SEPTIN9: variants seen among roughly 807,000 people sequenced by gnomAD.
SEPTIN9 encodes septin-9.
In SEPTIN9, 13 loss-of-function variants were observed where a neutral mutation model predicts 56.6. That is an observed-to-expected ratio of 0.23 (90% CI 0.15 to 0.37). SEPTIN9 has a LOEUF of 0.37. SEPTIN9 is among the 10% of genes least tolerant of loss of function. The pLI, the probability that SEPTIN9 is intolerant of heterozygous loss-of-function variation, is 1.00. For missense variants in SEPTIN9, 650 were observed against 823.1 expected (o/e 0.79, Z 2.57); for synonymous variants, 332 against 334.1 (o/e 0.99, Z 0.07).
intron 3 of SEPTIN9, among the ~76,000 whole-genome samples, chr17:77,407,820 T>C (rs1420627409): frequency 6.6e-6 from 1 of 152,186 alleles, no homozygotes. Context: ...CCTGGTCCTC[T>C]CAGGCTCTGG....
chr17:77,441,632 C>T (rs953357951), intron 3 of SEPTIN9, among the ~76,000 whole-genome samples: 2 of 152,342 alleles, frequency 1.3e-5, no homozygotes, highest in South Asian at 4.1e-4. Flanking sequence ...GTCTCCCAAG[C>T]CACCCAGCCA....
At chr17:77,459,432 G>T (rs773401667) in intron 3 of SEPTIN9, among the ~76,000 whole-genome samples, 8 of 152,198 alleles carry the variant, frequency 5.3e-5, no homozygotes, top group Non-Finnish European at 1.0e-4. Flanking sequence ...ACCCGGGCCC[G>T]GTCTGTGAGG....
intron 2 of SEPTIN9, among the ~76,000 whole-genome samples, chr17:77,328,186 C>T (rs1014731351): frequency 2.6e-5 from 4 of 151,818 alleles, no homozygotes; most frequent in Non-Finnish European, 5.9e-5. Context: ...GTATCCAGGG[C>T]GTCCCCATGC....
chr17:77,426,816 CTTGTG>C, intron 3 of SEPTIN9: 1 of 152,172 alleles, frequency 6.6e-6, no homozygotes, highest in Non-Finnish European at 1.5e-5. Flanking sequence ...GGGACACTGA[CTTGTG>C]TTGTGGGTGC....
intron 5 of SEPTIN9, 34 bp from the exon 6 acceptor site, chr17:77,488,206 T>C: frequency 6.2e-7 from 1 of 1,603,506 alleles, no homozygotes; most frequent in Non-Finnish European, 8.5e-7. Context: ...GTCTTCCGTC[T>C]CCCCTCTGAC....
chr17:77,491,730 C>T (rs1388005627), intron 8 of SEPTIN9, among the ~76,000 whole-genome samples: 4 of 141,232 alleles, frequency 2.8e-5, no homozygotes, highest in Admixed American at 2.3e-4. Flanking sequence ...CTCTTGAACC[C>T]GGGAGGCGGA....
At chr17:77,303,527 C>T (rs377553475) in intron 1 of SEPTIN9, among the ~76,000 whole-genome samples, 33 of 151,836 alleles carry the variant, frequency 2.2e-4, no homozygotes, top group East Asian at 1.4e-3. Context: ...GCCTGGCCAA[C>T]GTGGTGAAAC....
At chr17:77,321,094 C>G (rs73371416) in intron 2 of SEPTIN9, among the ~76,000 whole-genome samples, 5,209 of 152,308 alleles carry the variant, frequency 0.034, 291 homozygotes, top group East Asian at 0.24. Context: ...ACGTGGCCAG[C>G]GCCGTCATCG....
intron 2 of SEPTIN9, among the ~76,000 whole-genome samples, chr17:77,379,738 G>A (rs919700985): frequency 6.6e-6 from 1 of 152,188 alleles, no homozygotes; most frequent in African/African-American, 2.4e-5. Flanking sequence ...CTGCTCCTCT[G>A]AAGTCTCCTT....
At chr17:77,291,188 G>A (rs1021434141) in intron 1 of SEPTIN9, among the ~76,000 whole-genome samples, 2 of 151,078 alleles carry the variant, frequency 1.3e-5, no homozygotes, top group African/African-American at 2.4e-5. Flanking sequence ...GGCATGTGCC[G>A]CCACACCTGG....
At chr17:77,404,635 G>T (rs910784402) in intron 3 of SEPTIN9, among the ~76,000 whole-genome samples, 5 of 152,132 alleles carry the variant, frequency 3.3e-5, no homozygotes, top group African/African-American at 4.8e-5. Context: ...GTGTGGGTTT[G>T]GGGGGAGACC....
chr17:77,469,948 C>T (rs1385205761), intron 3 of SEPTIN9, among the ~76,000 whole-genome samples: 2 of 150,638 alleles, frequency 1.3e-5, no homozygotes, highest in African/African-American at 4.9e-5. Flanking sequence ...TCCACCTGCC[C>T]ATCCACTCAC....
At chr17:77,378,223 T>G (rs2035004113) in intron 2 of SEPTIN9, among the ~76,000 whole-genome samples, 2 of 151,952 alleles carry the variant, frequency 1.3e-5, no homozygotes, top group African/African-American at 4.8e-5. Flanking sequence ...CCAGGAAGGT[T>G]TTGAATGGGG....
intron 2 of SEPTIN9, among the ~76,000 whole-genome samples, chr17:77,401,479 C>T (rs1468796534): frequency 2.0e-5 from 3 of 152,106 alleles, no homozygotes; most frequent in South Asian, 4.1e-4. Context: ...GGCACGGTGG[C>T]GCACGCCTGT....
chr17:77,394,947 A>G, intron 2 of SEPTIN9, among the ~76,000 whole-genome samples: 1 of 152,198 alleles, frequency 6.6e-6, no homozygotes, highest in East Asian at 1.9e-4. Flanking sequence ...GTGCTTGAGA[A>G]TAGGAGAAGC....
At chr17:77,481,940 G>T (rs2039472058) in intron 3 of SEPTIN9, 1 of 597,426 alleles carries the variant, frequency 1.7e-6, no homozygotes, top group African/African-American at 1.9e-5. Context: ...CAGCGTGGCT[G>T]CAGGATGGCA....
At chr17:77,355,740 TG>T (rs1421619051) in intron 2 of SEPTIN9, among the ~76,000 whole-genome samples, 1 of 151,906 alleles carries the variant, frequency 6.6e-6, no homozygotes, top group Non-Finnish European at 1.5e-5. Flanking sequence ...CCCAGCACTT[TG>T]GGAGGCCGAG....
At chr17:77,383,777 C>T (rs1021248825) in intron 2 of SEPTIN9, among the ~76,000 whole-genome samples, 2 of 152,200 alleles carry the variant, frequency 1.3e-5, no homozygotes, top group Non-Finnish European at 2.9e-5. Context: ...AGGCCCAGGG[C>T]GGAGTGTAGG....
chr17:77,382,105 G>A lies in SEPTIN9; in HGVS notation c.77-19954G>A, dbSNP rs974042446. Among the ~76,000 whole-genome samples, 4 of 151,982 alleles carry A rather than the reference G, an allele frequency of 2.6e-5. No individual in the cohort carries two copies. The East Asian group carries it at 7.7e-4, about 29-fold the overall frequency. On this transcript the variant is annotated intron_variant, in intron 2 of 11. Transcript: ENST00000427177. ...TGCAGTGGCGTGATCTCGGCTCACT[G>A]CATCCTCCGCCTCCTGGGTTCAAGC...
Sources: allele counts gnomAD v4.1 joint callset (sites outside exome capture counted in the v4.1 genomes callset), GRCh38; gene constraint gnomAD v4.1.1; transcripts MANE v1.5; gene names NCBI Gene and HGNC (gene_info 2026-07-23, HGNC 2026-07-21).